Variants in ACVR1 observed in about 807,000 individuals in gnomAD.
The protein encoded by ACVR1 is activin A receptor type 1.
ACVR1 carries 38 observed loss-of-function variants against 57.1 expected under a neutral mutation model. The ratio of observed to expected loss-of-function variants is 0.67; its 90% confidence interval spans 0.51 to 0.87. The LOEUF (loss-of-function observed/expected upper bound fraction) is 0.87, where lower values mean the gene tolerates loss of function less well. ACVR1 is among the 40% of genes least tolerant of loss of function. The probability of loss-of-function intolerance (pLI) is 0.00; values close to 1 mark genes in which losing one functional copy is unlikely to be tolerated. For missense variants in ACVR1, 463 were observed against 638.2 expected, an observed-to-expected ratio of 0.73 and a Z score of 2.96; for synonymous variants, 212 against 228.1, an observed-to-expected ratio of 0.93 and a Z score of 0.63.
chr2:157,798,007 T>C (rs1250246021), intron 3 of ACVR1, among the ~76,000 whole-genome samples: 1 of 152,152 alleles, frequency 6.6e-6, no homozygotes, highest in Non-Finnish European at 1.5e-5. Context: ...GAACTTAGAC[T>C]TCCCAGCCTC....
Position 157,740,899 on chromosome 2 carries a change from C to T in ACVR1, c.1265-2329G>A, listed in dbSNP as rs76119855. On this transcript the variant is annotated intron_variant, in intron 9 of 10. Transcript: ENST00000434821. Reference sequence around the variant, plus strand: ...GGATTTAGTCAAGCCTCTTTTTCCTCAATCATTGGCCAACTGTTGATTGTT... The same window carrying T: ...GGATTTAGTCAAGCCTCTTTTTCCTTAATCATTGGCCAACTGTTGATTGTT... 5.3e-4 allele frequency among the ~76,000 whole-genome samples: 81 copies of T among 152,314 alleles called. No homozygotes were observed. In the East Asian group the frequency reaches 0.013, roughly 25 times the overall value.
rs758925804 is a variant in ACVR1, at chr2:157,780,357, G to A, written c.311C>T (p.Thr104Met). Reference sequence around the variant, plus strand: ...GGAACCTTTAGTGGGCAGCTGGGCCGTGATGTTCCTGTTACACCAGTCCCC... The same window carrying A: ...GGAACCTTTAGTGGGCAGCTGGGCCATGATGTTCCTGTTACACCAGTCCCC... The part of the protein sequence containing the change: ...CQGDWCNRNI[T>M]AQLPTKGKSF... The change falls in exon 4 of 11, where the codon ACG (threonine) becomes ATG (methionine). Residue 104 changes from threonine to methionine, a missense_variant. Physicochemically the swap from Thr to Met is moderately conservative, Grantham distance 81. Transcript: ENST00000434821. 27 of 1,614,048 alleles carry A rather than the reference G, an allele frequency of 1.7e-5. No individual in the cohort carries two copies. The highest frequency in any genetic ancestry group is 3.3e-5 in the South Asian group (3 of 91,078).
chr2:157,742,469 T>G (rs946287044), intron 9 of ACVR1, among the ~76,000 whole-genome samples: 12 of 152,118 alleles, frequency 7.9e-5, no homozygotes, highest in African/African-American at 2.7e-4. Flanking sequence ...GAGAAAGAAA[T>G]AAAAAACATT....
intron 3 of ACVR1, among the ~76,000 whole-genome samples, chr2:157,784,098 C>T (rs1310990944): frequency 1.3e-5 from 2 of 152,094 alleles, no homozygotes; most frequent in Non-Finnish European, 2.9e-5. Flanking sequence ...AGGAAGACAG[C>T]GGGACTCCAA....
chr2:157,794,458 G>A (rs922691857), intron 3 of ACVR1, among the ~76,000 whole-genome samples: 4 of 152,058 alleles, frequency 2.6e-5, no homozygotes. Context: ...AGACTGGATC[G>A]AGCTGGATTC....
intron 1 of ACVR1, among the ~76,000 whole-genome samples, chr2:157,826,955 GAGAA>G (rs955343863): frequency 4.1e-5 from 6 of 147,806 alleles, no homozygotes; most frequent in Non-Finnish European, 6.0e-5. Context: ...CAGAGAGAAA[GAGAA>G]AGAAAGAAAA....
At position 157,781,319 on chromosome 2, in the gene ACVR1, G is replaced by A. The variant is rs77476212; in HGVS notation, c.68-719C>T. On this transcript the variant is annotated intron_variant, in intron 3 of 10. Coordinates refer to ENST00000434821, the MANE Select transcript of ACVR1 (RefSeq NM_001111067.4). ...AATGCTAAAAAAGGTTTGGATTCCA[G>A]AGCAGTTCAAGTATCAGGTTTTGGG... Among the ~76,000 whole-genome samples the A allele has an allele frequency of 8.3e-3, 1,262 of 152,282 alleles. 9 individuals carry two copies. Among genetic ancestry groups the A allele is most frequent in the Middle Eastern group, 0.014 (4 of 294 alleles).
In ACVR1 at chr2:157,770,376, T is replaced by C; in HGVS notation, c.782A>G (p.Asn261Ser). ...LYNTVMLRHE[N>S]ILGFIASDMT... Reference sequence around the variant, plus strand: ...GTTATCCTTGTACTTACCTAAGATATTTTCATGCCTCAGCATCACAGTGTT... The same window carrying C: ...GTTATCCTTGTACTTACCTAAGATACTTTCATGCCTCAGCATCACAGTGTT... Residue 261 changes from asparagine (N) to serine (S), a missense_variant, in exon 7 of 11, where the codon AAT (asparagine) becomes AGT (serine). Physicochemically the swap from Asn to Ser is conservative, Grantham distance 46 (BLOSUM62 1). This residue lies in a region of ACVR1 where 114 missense variants were observed against 216.2 expected (regional missense o/e 0.53). Transcript: ENST00000434821. 1 of 1,614,080 alleles carries C rather than the reference T, an allele frequency of 6.2e-7. No individual in the cohort carries two copies. The highest frequency in any genetic ancestry group is 8.5e-7 in the Non-Finnish European group (1 of 1,179,946).
chr2:157,758,716 C>A (rs990941302), intron 9 of ACVR1, among the ~76,000 whole-genome samples: 5 of 151,954 alleles, frequency 3.3e-5, no homozygotes, highest in Non-Finnish European at 7.4e-5. Context: ...CAGGCACTTA[C>A]AGAACATTTT....
chr2:157,751,478 C>A (rs1157563651), intron 9 of ACVR1, among the ~76,000 whole-genome samples: 1 of 152,214 alleles, frequency 6.6e-6, no homozygotes, highest in Non-Finnish European at 1.5e-5. Context: ...GGGCAGGAAT[C>A]CGGTGTCCAG....
chr2:157,754,412 C>T (rs1463008904), intron 9 of ACVR1, among the ~76,000 whole-genome samples: 5 of 151,928 alleles, frequency 3.3e-5, no homozygotes, highest in African/African-American at 1.2e-4. Context: ...CAATTAGAAA[C>T]GAAATGGGAA....
chr2:157,807,639 G>C (rs1231439777), intron 2 of ACVR1, among the ~76,000 whole-genome samples: 1 of 151,498 alleles, frequency 6.6e-6, no homozygotes, highest in Admixed American at 6.6e-5. Context: ...ATGTAATTCT[G>C]AAGTTCATTT....
chr2:157,750,215 T>G (rs1003109416), intron 9 of ACVR1, among the ~76,000 whole-genome samples: 9 of 152,212 alleles, frequency 5.9e-5, no homozygotes, highest in African/African-American at 2.2e-4. Flanking sequence ...TCATCATCAA[T>G]GCCACACAAG....
intron 1 of ACVR1, among the ~76,000 whole-genome samples, chr2:157,837,928 C>T (rs1003060429): frequency 5.9e-5 from 9 of 152,180 alleles, no homozygotes; most frequent in African/African-American, 1.9e-4. Context: ...GCAGTTGGCA[C>T]GAAGCGTTGC....
At chr2:157,755,289 G>A (rs1279129024) in intron 9 of ACVR1, among the ~76,000 whole-genome samples, 1 of 151,906 alleles carries the variant, frequency 6.6e-6, no homozygotes, top group East Asian at 1.9e-4. Context: ...AGAAATAAAG[G>A]GCATGTGAAC....
rs1690269556 is a variant in ACVR1, at chr2:157,875,813, CCGGGGG to C, written c.-206_-201del. On this transcript the variant is annotated 5_prime_UTR_variant, in exon 1 of 11. Transcript: ENST00000434821. ...GCGCTCACCTCGGGTCCCGCCGCGG[CCGGGGG>C]CTGAGCCGGGGGAGGCGGAGTGCGA... 6.6e-6 allele frequency: 1 copy of C among 151,572 alleles called. No homozygotes were observed. The highest frequency in any genetic ancestry group is 1.5e-5 in the Non-Finnish European group (1 of 67,452). 9.4% of individuals were successfully genotyped at this position (151,572 alleles called of 1,614,324 possible).
intron 1 of ACVR1, among the ~76,000 whole-genome samples, chr2:157,871,650 C>T (rs550569409): frequency 1.3e-5 from 2 of 152,256 alleles, no homozygotes; most frequent in East Asian, 3.9e-4. Flanking sequence ...ACTGAATAGC[C>T]GTGGCTCTGG....
At chr2:157,795,377 A>AACACAC (rs4029027) in intron 3 of ACVR1, among the ~76,000 whole-genome samples, 149 of 134,192 alleles carry the variant, frequency 1.1e-3, no homozygotes, top group African/African-American at 3.0e-3. Context: ...CCTTCCATAG[A>AACACAC]ACACACACAC....
intron 1 of ACVR1, among the ~76,000 whole-genome samples, chr2:157,862,967 T>C (rs1435909802): frequency 6.6e-6 from 1 of 151,608 alleles, no homozygotes; most frequent in Non-Finnish European, 1.5e-5. Context: ...TAAAATTCCA[T>C]TCTATGAATA....
Sources: gnomAD v4.1 joint callset for allele counts (sites outside exome capture counted in the v4.1 genomes callset) on GRCh38, gnomAD v4.1.1 for gene constraint, gnomAD v4.1.1 regional missense constraint, MANE v1.5 for transcripts, NCBI Gene and HGNC (gene_info 2026-07-23, HGNC 2026-07-21) for gene names.